DTNA: variants seen among roughly 807,000 people sequenced by gnomAD.
DTNA encodes the protein dystrobrevin alpha.
DTNA carries 43 observed loss-of-function variants against 100.7 expected under a neutral mutation model. The ratio of observed to expected loss-of-function variants is 0.43; its 90% CI spans 0.33 to 0.55. The LOEUF (loss-of-function observed/expected upper bound fraction) is 0.55. Ranked by LOEUF, DTNA falls within the 20% of genes least tolerant of loss-of-function variation. The pLI is 0.04. For synonymous variants in DTNA, 349 were observed against 347.9 expected (o/e 1.00, Z -0.04); for missense variants, 798 against 953.9 (o/e 0.84, Z 2.15).
chr18:34,516,520 C>T (rs943837357), intron 1 of DTNA, among the ~76,000 whole-genome samples: 1 of 152,038 alleles, frequency 6.6e-6, no homozygotes, highest in Non-Finnish European at 1.5e-5. Context: ...CCTGGGGACT[C>T]TACAGGAGAC....
intron 1 of DTNA, among the ~76,000 whole-genome samples, chr18:34,558,600 A>T (rs561066457): frequency 6.6e-6 from 1 of 152,314 alleles, no homozygotes; most frequent in African/African-American, 2.4e-5. Context: ...GCAAATAAAA[A>T]ATAAAGCCGT....
chr18:34,571,382 G>T (rs2047571742), intron 1 of DTNA, among the ~76,000 whole-genome samples: 1 of 152,180 alleles, frequency 6.6e-6, no homozygotes, highest in Non-Finnish European at 1.5e-5. Flanking sequence ...GTGCTTACAG[G>T]TGTTCTCACC....
chr18:34,581,275 A>AAAAAC (rs2048600673), intron 1 of DTNA, among the ~76,000 whole-genome samples: 1 of 142,576 alleles, frequency 7.0e-6, no homozygotes, highest in Non-Finnish European at 1.6e-5. Flanking sequence ...AACAAAACAA[A>AAAAAC]AAAACAAAAC....
intron 22 of DTNA, among the ~76,000 whole-genome samples, chr18:34,886,576 T>TG (rs1185646121): frequency 1.3e-5 from 2 of 152,238 alleles, no homozygotes; most frequent in African/African-American, 4.8e-5. Flanking sequence ...AAAATGTGCT[T>TG]GCGTTAAACC....
chr18:34,866,302 A>T, intron 17 of DTNA: 1 of 1,495,894 alleles, frequency 6.7e-7, no homozygotes, highest in South Asian at 1.3e-5. Context: ...AGATATATAA[A>T]TTTAGCATTT....
At chr18:34,496,018 A>G (rs923891101) in intron 1 of DTNA, among the ~76,000 whole-genome samples, 9 of 152,154 alleles carry the variant, frequency 5.9e-5, no homozygotes, top group Admixed American at 2.0e-4. Flanking sequence ...TTATTTTGAC[A>G]TTCATAGATT....
intron 1 of DTNA, among the ~76,000 whole-genome samples, chr18:34,591,574 G>A (rs560124195): frequency 2.0e-4 from 30 of 152,070 alleles, no homozygotes; most frequent in Non-Finnish European, 3.4e-4. Context: ...CATTAGCCTT[G>A]GGAAGGCGTG....
chr18:34,788,341 A>C (rs2094581866), intron 3 of DTNA, among the ~76,000 whole-genome samples: 1 of 152,206 alleles, frequency 6.6e-6, no homozygotes, highest in Non-Finnish European at 1.5e-5. Context: ...CTCAATAACT[A>C]ATGTATACTG....
intron 15 of DTNA, among the ~76,000 whole-genome samples, chr18:34,855,294 G>A (rs990134026): frequency 3.9e-5 from 6 of 152,296 alleles, no homozygotes; most frequent in Admixed American, 2.6e-4. Context: ...GTGACAGAAT[G>A]TCCGCATGTT....
upstream of DTNA, among the ~76,000 whole-genome samples, chr18:34,706,731 A>G (rs1039736821): frequency 6.6e-6 from 1 of 152,200 alleles, no homozygotes. Context: ...TGTTTGAAAT[A>G]TCTTAAGGGT....
chr18:34,544,440 C>A (rs759078227), intron 1 of DTNA, among the ~76,000 whole-genome samples: 16 of 152,062 alleles, frequency 1.1e-4, no homozygotes, highest in Non-Finnish European at 2.2e-4. Context: ...TCAACAAACT[C>A]AAGAGAACCA....
chr18:34,547,670 A>C (rs2044945858), intron 1 of DTNA, among the ~76,000 whole-genome samples: 1 of 152,116 alleles, frequency 6.6e-6, no homozygotes, highest in South Asian at 2.1e-4. Flanking sequence ...TTTCTTTGTC[A>C]CAGAACAAAC....
chr18:34,598,862 T>C (rs1454301029), intron 1 of DTNA, among the ~76,000 whole-genome samples: 1 of 151,848 alleles, frequency 6.6e-6, no homozygotes, highest in Non-Finnish European at 1.5e-5. Flanking sequence ...CGAGACTCCA[T>C]CTCAAAAAAA....
intron 1 of DTNA, among the ~76,000 whole-genome samples, chr18:34,617,524 G>C (rs1386557160): frequency 6.6e-6 from 1 of 152,066 alleles, no homozygotes; most frequent in African/African-American, 2.4e-5. Flanking sequence ...GATTCAGTTC[G>C]CTAGTATTTC....
chr18:34,666,792 G>C (rs1025538183), intron 1 of DTNA, among the ~76,000 whole-genome samples: 2 of 152,058 alleles, frequency 1.3e-5, no homozygotes, highest in Admixed American at 1.3e-4. Context: ...TCTCTGTTTT[G>C]GTACCAGTAC....
chr18:34,735,125 A>G (rs915832058), intron 1 of DTNA, among the ~76,000 whole-genome samples: 1 of 152,196 alleles, frequency 6.6e-6, no homozygotes, highest in African/African-American at 2.4e-5. Flanking sequence ...GAGCCAGTCC[A>G]AGTCCCAAAA....
intron 1 of DTNA, among the ~76,000 whole-genome samples, chr18:34,612,599 CAGGG>C (rs1219893481): frequency 1.3e-5 from 2 of 152,104 alleles, no homozygotes; most frequent in Non-Finnish European, 2.9e-5. Context: ...AAGAAAAAAA[CAGGG>C]AGAGTATTTT....
intron 17 of DTNA, chr18:34,867,910 G>A (rs929450345): frequency 7.1e-6 from 7 of 985,262 alleles, no homozygotes; most frequent in African/African-American, 3.5e-5. Context: ...CAGGGCCCAC[G>A]TCACCCAGAT....
At chr18:34,671,035 G>A (rs2076679426) in intron 1 of DTNA, among the ~76,000 whole-genome samples, 1 of 152,180 alleles carries the variant, frequency 6.6e-6, no homozygotes, top group Non-Finnish European at 1.5e-5. Context: ...GTCTACAGAG[G>A]CAGGCAGGCC....
Sources: gnomAD v4.1 joint callset for allele counts (sites outside exome capture counted in the v4.1 genomes callset) on GRCh38, gnomAD v4.1.1 for gene constraint, MANE v1.5 for transcripts, NCBI Gene and HGNC (gene_info 2026-07-23, HGNC 2026-07-21) for gene names.